ABCA13: variants seen among roughly 807,000 people sequenced by gnomAD.
ABCA13 encodes ATP-binding cassette sub-family A member 13.
A neutral mutation model predicts 478.7 loss-of-function variants in ABCA13; 476 were observed. The ratio of observed to expected loss-of-function variants is 0.99; its 90% CI spans 0.92 to 1.07. ABCA13 has a LOEUF of 1.07. ABCA13 is among the 50% of genes least tolerant of loss of function. The pLI is 0.00. For missense variants in ABCA13, 6,060 were observed against 5,910.6 expected, an observed-to-expected ratio of 1.03 and a Z score of -0.83; for synonymous variants, 2,252 against 2,158.9, an observed-to-expected ratio of 1.04 and a Z score of -1.20.
In ABCA13 at chr7:48,642,583, A is replaced by G. The variant is rs149689920; in HGVS notation, c.14838-705A>G. Among the ~76,000 whole-genome samples the G allele has an allele frequency of 1.5e-4, 23 of 152,262 alleles. No individual in the cohort carries two copies. The East Asian group carries it at 4.3e-3, about 28-fold the overall frequency. ...TTTTTGGGATGCTATGATGTGCCCA[A>G]CACCACCTGAGATAAGGGAGTAGAA... On this transcript the variant is annotated intron_variant, in intron 59 of 61. Transcript: ENST00000435803.
At chr7:48,285,526 C>T (rs551808117) in intron 19 of ABCA13, among the ~76,000 whole-genome samples, 89 of 152,322 alleles carry the variant, frequency 5.8e-4, no homozygotes, top group Non-Finnish European at 1.1e-3. Flanking sequence ...GGCCAGATGG[C>T]CTGACAGCCC....
At chr7:48,223,342 A>G (rs866844643) in intron 5 of ABCA13, among the ~76,000 whole-genome samples, 1 of 152,166 alleles carries the variant, frequency 6.6e-6, no homozygotes, top group Admixed American at 6.5e-5. Flanking sequence ...GTGTTGGTGC[A>G]TAAATGAGAC....
chr7:48,551,471 G>A (rs1432629524), intron 55 of ABCA13, among the ~76,000 whole-genome samples: 4 of 151,674 alleles, frequency 2.6e-5, no homozygotes, highest in African/African-American at 9.7e-5. Flanking sequence ...AAATATTTTT[G>A]AGTTACAGAC....
At chr7:48,593,465 C>G (rs1332047386) in intron 57 of ABCA13, among the ~76,000 whole-genome samples, 1 of 151,202 alleles carries the variant, frequency 6.6e-6, no homozygotes, top group Admixed American at 6.6e-5. Flanking sequence ...TATTGTATTT[C>G]CATTAAAAAA....
In ABCA13 at chr7:48,644,722, C is replaced by T; in HGVS notation, c.15049C>T (p.His5017Tyr). ...ENNKTFLNIK[H>Y]YSINQTTLEQ... ...CAATAAAACCTTCTTGAATATTAAG[C>T]ATTATTCCATTAACCAAACCACTTT... The change falls in exon 61 of 62, where the codon CAT becomes TAT. Residue 5017 changes from histidine to tyrosine, a missense_variant. His to Tyr is a moderately conservative substitution (Grantham distance 83). This residue lies in a region of ABCA13 where 1,627 missense variants were observed against 1,571.0 expected (regional missense o/e 1.04). Coordinates refer to ENST00000435803, the MANE Select transcript of ABCA13 (RefSeq NM_152701.5). 2 of 1,604,716 alleles carry T rather than the reference C, an allele frequency of 1.2e-6. No homozygotes were observed. The highest frequency in any genetic ancestry group is 1.7e-6 in the Non-Finnish European group (2 of 1,177,508).
intron 20 of ABCA13, among the ~76,000 whole-genome samples, chr7:48,291,256 G>A (rs1479430129): frequency 6.6e-6 from 1 of 152,186 alleles, no homozygotes; most frequent in African/African-American, 2.4e-5. Context: ...AGTGAAGAAA[G>A]GAAAGAAGTC....
intron 55 of ABCA13, among the ~76,000 whole-genome samples, chr7:48,561,166 C>A (rs183162401): frequency 3.9e-4 from 60 of 152,034 alleles, no homozygotes; most frequent in Admixed American, 7.9e-4. Flanking sequence ...CAGGTTGATT[C>A]CATAACTTAG....
intron 41 of ABCA13, among the ~76,000 whole-genome samples, chr7:48,423,394 T>G (rs1821024407): frequency 6.6e-6 from 1 of 152,192 alleles, no homozygotes; most frequent in Non-Finnish European, 1.5e-5. Flanking sequence ...CTTCAAAAAT[T>G]TCTCTAGCAT....
rs74717804 is a variant in ABCA13 at position 48,521,631 on chromosome 7, A to G, written c.14051+1337A>G. ...AGTCTATTTTATAAAACTGTAATGT[A>G]GGATCCCCCTTGGCAGATTTCAGGG... On this transcript the variant is annotated intron_variant, in intron 53 of 61. Coordinates refer to ENST00000435803, the MANE Select transcript of ABCA13 (RefSeq NM_152701.5). Among the ~76,000 whole-genome samples, 146 of 152,252 alleles carry G rather than the reference A, an allele frequency of 9.6e-4. 12 individuals carry two copies. In the East Asian group the frequency reaches 0.026, roughly 27 times the overall value.
intron 1 of ABCA13, among the ~76,000 whole-genome samples, chr7:48,177,761 G>A (rs2128860995): frequency 6.6e-6 from 1 of 152,350 alleles, no homozygotes; most frequent in African/African-American, 2.4e-5. Flanking sequence ...TTAATAAAAT[G>A]TAGAGTAATT....
intron 10 of ABCA13, 108 bp from the exon 11 acceptor site, chr7:48,244,468 C>G: frequency 7.5e-7 from 1 of 1,339,698 alleles, no homozygotes. Context: ...CTAGTGAACA[C>G]ACTTCTCAAA....
At chr7:48,586,299 T>A (rs1789171159) in intron 56 of ABCA13, among the ~76,000 whole-genome samples, 1 of 152,202 alleles carries the variant, frequency 6.6e-6, no homozygotes, top group Non-Finnish European at 1.5e-5. Context: ...CTCTAGTTAC[T>A]TTATAAACCA....
intron 55 of ABCA13, among the ~76,000 whole-genome samples, chr7:48,538,504 A>C (rs1179731500): frequency 6.6e-6 from 1 of 152,134 alleles, no homozygotes; most frequent in Non-Finnish European, 1.5e-5. Context: ...TCATAAAATG[A>C]ATATAATTAT....
chr7:48,190,710 T>C (rs1796990125), intron 1 of ABCA13, among the ~76,000 whole-genome samples: 1 of 152,224 alleles, frequency 6.6e-6, no homozygotes, highest in African/African-American at 2.4e-5. Flanking sequence ...TACGGTGGAA[T>C]ATTATGTAGC....
intron 55 of ABCA13, among the ~76,000 whole-genome samples, chr7:48,531,186 C>T (rs920079429): frequency 2.0e-5 from 3 of 152,120 alleles, no homozygotes; most frequent in African/African-American, 7.2e-5. Flanking sequence ...GATGAGGATC[C>T]AGTTTCATTC....
At chr7:48,203,311 C>T (rs1004183326) in intron 3 of ABCA13, among the ~76,000 whole-genome samples, 5 of 152,218 alleles carry the variant, frequency 3.3e-5, no homozygotes, top group Non-Finnish European at 5.9e-5. Context: ...CACACCTCCC[C>T]GCAAGCTGAA....
chr7:48,515,857 T>G (rs1271452675), intron 51 of ABCA13, among the ~76,000 whole-genome samples: 1 of 152,110 alleles, frequency 6.6e-6, no homozygotes, highest in African/African-American at 2.4e-5. Context: ...AATGAATAAG[T>G]ATTATTCCTG....
chr7:48,522,578 G>T (rs1327492936), intron 53 of ABCA13, among the ~76,000 whole-genome samples: 1 of 152,174 alleles, frequency 6.6e-6, no homozygotes, highest in Admixed American at 6.5e-5. Flanking sequence ...GGGATCGTTT[G>T]TTAGTCATTT....
At chr7:48,346,389 T>C (rs576691301) in intron 29 of ABCA13, among the ~76,000 whole-genome samples, 1 of 152,278 alleles carries the variant, frequency 6.6e-6, no homozygotes, top group East Asian at 1.9e-4. Flanking sequence ...CCACGCTTGC[T>C]AGGCAAGCTT....
Sources: gnomAD v4.1 joint callset for allele counts (sites outside exome capture counted in the v4.1 genomes callset) on GRCh38, gnomAD v4.1.1 for gene constraint, gnomAD v4.1.1 regional missense constraint, MANE v1.5 for transcripts, NCBI Gene and HGNC (gene_info 2026-07-23, HGNC 2026-07-21) for gene names.